CORO2B: variants seen among roughly 807,000 people sequenced by gnomAD.
The protein encoded by CORO2B is coronin-2B.
A neutral mutation model predicts 58.8 loss-of-function variants in CORO2B; 26 were observed. The ratio of observed to expected loss-of-function variants is 0.44; its 90% CI spans 0.32 to 0.61. The LOEUF (loss-of-function observed/expected upper bound fraction) is 0.61, where lower values mean the gene tolerates loss of function less well. Ranked by LOEUF, CORO2B falls within the 20% of genes least tolerant of loss-of-function variation. The pLI is 0.04. For synonymous variants in CORO2B, 242 were observed against 253.8 expected, an observed-to-expected ratio of 0.95 and a Z score of 0.44; for missense variants, 460 against 645.1, an observed-to-expected ratio of 0.71 and a Z score of 3.11.
chr15:68,610,583 T>C (rs1338371393), intron 1 of CORO2B, among the ~76,000 whole-genome samples: 1 of 152,130 alleles, frequency 6.6e-6, no homozygotes, highest in Non-Finnish European at 1.5e-5. Flanking sequence ...TCCAGCATCC[T>C]GCGCGTTTAA....
the CORO2B span, among the ~76,000 whole-genome samples, chr15:68,535,054 T>A: frequency 6.6e-6 from 1 of 152,180 alleles, no homozygotes; most frequent in Non-Finnish European, 1.5e-5. Flanking sequence ...CAATTCAAGA[T>A]GAGATTTGGG....
rs954403256 is a variant in CORO2B, at chr15:68,723,688, G to A, written c.1312-2155G>A. Among the ~76,000 whole-genome samples the A allele has an allele frequency of 6.6e-5, 10 of 152,042 alleles. No individual in the cohort carries two copies. The East Asian group carries it at 9.8e-4, about 15-fold the overall frequency. On this transcript the variant is annotated intron_variant, in intron 11 of 11. Transcript: ENST00000261861. ...AGACTGATCTTGAACTCCTGACCTC[G>A]TGATCCACCCACCTTGGCCTCCTAA...
rs577742085 is a variant in CORO2B at position 68,613,032 on chromosome 15, C to T, written c.16-32128C>T. 9.8e-5 allele frequency among the ~76,000 whole-genome samples: 15 copies of T among 152,328 alleles called. No individual in the cohort carries two copies. The South Asian group carries it at 1.5e-3, about 15-fold the overall frequency. On this transcript the variant is annotated intron_variant, in intron 1 of 11. Transcript: ENST00000261861. Reference sequence around the variant, plus strand: ...TCAGGATGACATGGGACTCCCCTCTCTCACTTCACCAAAACTCCTGATGGC... The same window carrying T: ...TCAGGATGACATGGGACTCCCCTCTTTCACTTCACCAAAACTCCTGATGGC...
chr15:68,654,771 G>A (rs74020263), intron 2 of CORO2B, among the ~76,000 whole-genome samples: 1 of 152,210 alleles, frequency 6.6e-6, no homozygotes, highest in Non-Finnish European at 1.5e-5. Context: ...GCCAAGGACT[G>A]TTACCCATCT....
At chr15:68,584,682 G>A (rs990764901) in intron 1 of CORO2B, among the ~76,000 whole-genome samples, 5 of 152,182 alleles carry the variant, frequency 3.3e-5, no homozygotes, top group African/African-American at 4.8e-5. Context: ...AGATGAGAAC[G>A]TGTGCAGATT....
At chr15:68,656,235 TGGGAGGAAGAA>T (rs1265087029) in intron 2 of CORO2B, among the ~76,000 whole-genome samples, 1 of 141,394 alleles carries the variant, frequency 7.1e-6, no homozygotes, top group Non-Finnish European at 1.5e-5. Flanking sequence ...TGGAGGGATG[TGGGAGGAAGAA>T]GGGTTGGTCC....
At chr15:68,621,767 C>CTTT (rs34809209) in intron 1 of CORO2B, among the ~76,000 whole-genome samples, 3 of 136,346 alleles carry the variant, frequency 2.2e-5, no homozygotes, top group Non-Finnish European at 3.2e-5. Context: ...AGTTTCACTT[C>CTTT]TTTTTTTTTT....
At chr15:68,554,103 G>A in the CORO2B span, among the ~76,000 whole-genome samples, 5 of 152,154 alleles carry the variant, frequency 3.3e-5, no homozygotes, top group Non-Finnish European at 5.9e-5. Context: ...GCCCCCTTAG[G>A]GAGGGCTCAG....
At chr15:68,579,829 AGGT>A (rs1238053279) in intron 1 of CORO2B, among the ~76,000 whole-genome samples, 1 of 152,230 alleles carries the variant, frequency 6.6e-6, no homozygotes, top group Non-Finnish European at 1.5e-5. Context: ...GGGCAGGTCC[AGGT>A]GGTTGGCTTG....
At chr15:68,608,256 A>G (rs1215436342) in intron 1 of CORO2B, among the ~76,000 whole-genome samples, 3 of 152,244 alleles carry the variant, frequency 2.0e-5, no homozygotes, top group African/African-American at 7.2e-5. Flanking sequence ...GGGTGGCATG[A>G]TCAGGGCTTG....
At chr15:68,617,369 G>A (rs776465536) in intron 1 of CORO2B, among the ~76,000 whole-genome samples, 4 of 152,342 alleles carry the variant, frequency 2.6e-5, no homozygotes, top group Admixed American at 6.5e-5. Flanking sequence ...TCTGTTTAAT[G>A]TATCCTTTGT....
chr15:68,543,024 A>G, the CORO2B span, among the ~76,000 whole-genome samples: 1 of 152,206 alleles, frequency 6.6e-6, no homozygotes, highest in African/African-American at 2.4e-5. Context: ...TTACTGCAGA[A>G]CAAAGGAGAC....
intron 1 of CORO2B, among the ~76,000 whole-genome samples, chr15:68,606,604 T>C (rs1900131208): frequency 6.6e-6 from 1 of 152,330 alleles, no homozygotes; most frequent in South Asian, 2.1e-4. Context: ...ATTTTTGAGC[T>C]GCTTCTGAGT....
At chr15:68,607,008 C>T (rs1434750440) in intron 1 of CORO2B, among the ~76,000 whole-genome samples, 1 of 152,188 alleles carries the variant, frequency 6.6e-6, no homozygotes, top group Non-Finnish European at 1.5e-5. Context: ...GGAGCCTTCT[C>T]CAAACATCTT....
At chr15:68,678,066 A>C (rs992433041) in intron 2 of CORO2B, among the ~76,000 whole-genome samples, 4 of 148,968 alleles carry the variant, frequency 2.7e-5, no homozygotes, top group Non-Finnish European at 4.4e-5. Context: ...TTTCCCCTGC[A>C]AGGTCTGTTG....
At chr15:68,698,177 C>T (rs1030159259) in intron 3 of CORO2B, among the ~76,000 whole-genome samples, 1 of 152,234 alleles carries the variant, frequency 6.6e-6, no homozygotes, top group Non-Finnish European at 1.5e-5. Flanking sequence ...AGGGATTTTA[C>T]CTGGCCTGCT....
chr15:68,597,032 CACCTCGAGTCCA>C (rs1899848807), intron 1 of CORO2B, among the ~76,000 whole-genome samples: 1 of 152,308 alleles, frequency 6.6e-6, no homozygotes, highest in African/African-American at 2.4e-5. Context: ...CTGCCAGCCT[CACCTCGAGTCCA>C]ACCTCATTAG....
chr15:68,578,437 C>G (rs934196100), upstream of CORO2B, among the ~76,000 whole-genome samples: 1 of 152,196 alleles, frequency 6.6e-6, no homozygotes, highest in Non-Finnish European at 1.5e-5. This position sits in a 1 kb window ranked among gnomAD's most constrained non-coding sequence, Gnocchi z 4.2. Flanking sequence ...GGCAAGTCAT[C>G]GCGGCGGGAA....
intron 1 of CORO2B, among the ~76,000 whole-genome samples, chr15:68,610,935 C>T (rs1235980548): frequency 1.3e-5 from 2 of 152,178 alleles, no homozygotes; most frequent in Non-Finnish European, 1.5e-5. Context: ...ACACCCTCGA[C>T]GCAGCCAAGG....
Sources: allele counts gnomAD v4.1 joint callset (sites outside exome capture counted in the v4.1 genomes callset), GRCh38; gene constraint gnomAD v4.1.1; non-coding constraint Gnocchi (gnomAD v3.1); transcripts MANE v1.5; gene names NCBI Gene and HGNC (gene_info 2026-07-23, HGNC 2026-07-21).